Variants in FNDC3B observed in about 807,000 individuals in gnomAD.
The protein encoded by FNDC3B is fibronectin type III domain-containing protein 3B.
Under a neutral mutation model 151.5 loss-of-function variants are expected in FNDC3B, and 12 were observed. That is an observed-to-expected ratio of 0.08 (90% CI 0.05 to 0.13). The LOEUF is 0.13. FNDC3B is among the 10% of genes least tolerant of loss of function. The pLI is 1.00. For synonymous variants in FNDC3B, 528 were observed against 549.0 expected (o/e 0.96, Z 0.54); for missense variants, 1,214 against 1,505.3 (o/e 0.81, Z 3.20).
At chr3:172,327,462 G>A (rs572153932) in intron 11 of FNDC3B, among the ~76,000 whole-genome samples, 4 of 152,142 alleles carry the variant, frequency 2.6e-5, no homozygotes, top group Non-Finnish European at 4.4e-5. Context: ...GTGCAGTGGC[G>A]CGATCTCGGC....
chr3:172,374,349 G>A (rs1052082098), intron 23 of FNDC3B, among the ~76,000 whole-genome samples: 1 of 152,162 alleles, frequency 6.6e-6, no homozygotes, highest in Non-Finnish European at 1.5e-5. Context: ...CACATATTGA[G>A]TTATTATATA....
intron 15 of FNDC3B, among the ~76,000 whole-genome samples, chr3:172,337,065 G>T (rs183097045): frequency 1.3e-3 from 202 of 152,256 alleles, no homozygotes; most frequent in Middle Eastern, 3.4e-3. Context: ...TTTGTGCCGA[G>T]TTTTTTGTTC....
chr3:172,079,436 G>T (rs1177909723), intron 1 of FNDC3B, among the ~76,000 whole-genome samples: 1 of 152,158 alleles, frequency 6.6e-6, no homozygotes, highest in Non-Finnish European at 1.5e-5. Flanking sequence ...AGATCAGGAA[G>T]AACAAACTGG....
chr3:172,196,119 A>G (rs1398244647), intron 3 of FNDC3B, among the ~76,000 whole-genome samples: 1 of 152,202 alleles, frequency 6.6e-6, no homozygotes, highest in African/African-American at 2.4e-5. Context: ...CACCCACACT[A>G]AAGCTTTTAA....
chr3:172,252,677 C>T (rs902614573), intron 6 of FNDC3B, among the ~76,000 whole-genome samples: 4 of 151,890 alleles, frequency 2.6e-5, no homozygotes, highest in African/African-American at 9.7e-5. Flanking sequence ...GGCATTTCCC[C>T]CTACGTTATT....
chr3:172,046,633 T>G (rs1716384407), intron 1 of FNDC3B, among the ~76,000 whole-genome samples: 1 of 152,144 alleles, frequency 6.6e-6, no homozygotes, highest in South Asian at 2.1e-4. Context: ...CCTGTTTTGT[T>G]TTTATAATAT....
intron 3 of FNDC3B, among the ~76,000 whole-genome samples, chr3:172,215,159 G>C (rs1474075809): frequency 6.6e-6 from 1 of 152,180 alleles, no homozygotes; most frequent in Non-Finnish European, 1.5e-5. Flanking sequence ...GCATGACCTA[G>C]GAATTGTAAA....
At chr3:172,049,887 C>A (rs1238960168) in intron 1 of FNDC3B, among the ~76,000 whole-genome samples, 1 of 152,164 alleles carries the variant, frequency 6.6e-6, no homozygotes, top group Non-Finnish European at 1.5e-5. Context: ...ACTTTGATTT[C>A]TGTTTAAGAG....
intron 3 of FNDC3B, among the ~76,000 whole-genome samples, chr3:172,163,322 C>A (rs1381893055): frequency 6.6e-6 from 1 of 151,910 alleles, no homozygotes; most frequent in African/African-American, 2.4e-5. Flanking sequence ...ATATAACCCA[C>A]CCACATCATA....
rs774817471 is a variant in FNDC3B, at chr3:172,397,390, A to G, written c.3530A>G (p.Glu1177Gly). The G allele has an allele frequency of 6.8e-5, 109 of 1,614,038 alleles. No individual in the cohort carries two copies. The highest frequency in any genetic ancestry group is 5.4e-5 in the Non-Finnish European group (64 of 1,179,994). The change falls in exon 26 of 26, where the codon GAA (glutamate) becomes GGA (glycine). Residue 1177 changes from glutamate to glycine, a missense_variant. Around this residue, in one of 7 missense-constraint regions of FNDC3B, gnomAD observed 284 missense variants for 392.4 expected, o/e 0.72. Transcript: ENST00000415807. ...PKMKSMMPTDEQFAAIIVLGF... is the reference protein window; with the variant it reads ...PKMKSMMPTDGQFAAIIVLGF... ...ATGAAGAGCATGATGCCTACTGATG[A>G]ACAGTTTGCAGCCATCATTGTGCTT...
chr3:172,091,718 C>T (rs1718837584), intron 1 of FNDC3B, among the ~76,000 whole-genome samples: 1 of 152,124 alleles, frequency 6.6e-6, no homozygotes, highest in South Asian at 2.1e-4. Context: ...AAATTATCTT[C>T]AAAAGTTGGC....
chr3:172,134,267 C>G, intron 3 of FNDC3B: 1 of 471,038 alleles, frequency 2.1e-6, no homozygotes, highest in Non-Finnish European at 4.3e-6. Context: ...CTGTATAGTT[C>G]ACTTGGAAAT....
At chr3:172,363,388 A>G (rs1244543252) in intron 23 of FNDC3B, among the ~76,000 whole-genome samples, 1 of 152,116 alleles carries the variant, frequency 6.6e-6, no homozygotes, top group East Asian at 1.9e-4. Flanking sequence ...TTGGCTGTCA[A>G]AATCAAATGT....
chr3:172,068,426 T>A (rs1717611266), intron 1 of FNDC3B, among the ~76,000 whole-genome samples: 1 of 148,768 alleles, frequency 6.7e-6, no homozygotes, highest in African/African-American at 2.5e-5. Context: ...GAGGAGCCTT[T>A]TTTTTTTTTT....
At chr3:172,229,084 A>C (rs548740365) in intron 4 of FNDC3B, among the ~76,000 whole-genome samples, 1 of 117,786 alleles carries the variant, frequency 8.5e-6, no homozygotes, top group Non-Finnish European at 1.8e-5. Flanking sequence ...GAAAGAAAGA[A>C]ACACACACAC....
At chr3:172,334,881 G>A in intron 14 of FNDC3B, 63 bp from the exon 15 acceptor site, 10 of 1,510,020 alleles carry the variant, frequency 6.6e-6, no homozygotes, top group Non-Finnish European at 9.1e-6. Flanking sequence ...GTTAAAAAGT[G>A]ACCATTAATT....
chr3:172,356,120 C>T (rs1323875900), intron 22 of FNDC3B, among the ~76,000 whole-genome samples: 1 of 152,126 alleles, frequency 6.6e-6, no homozygotes, highest in African/African-American at 2.4e-5. Context: ...ATATGGTAAG[C>T]ACTATGTTAG....
intron 7 of FNDC3B, among the ~76,000 whole-genome samples, chr3:172,288,849 A>G (rs1029123674): frequency 6.6e-6 from 1 of 152,164 alleles, no homozygotes; most frequent in Non-Finnish European, 1.5e-5. Flanking sequence ...ACCACCCTGC[A>G]TGTCTGGTTC....
intron 1 of FNDC3B, among the ~76,000 whole-genome samples, chr3:172,106,721 G>T (rs1719669055): frequency 6.6e-6 from 1 of 152,154 alleles, no homozygotes; most frequent in Admixed American, 6.5e-5. Flanking sequence ...TTGGCCCTTT[G>T]CAGGTGGGGG....
Sources: gnomAD v4.1 joint callset for allele counts (sites outside exome capture counted in the v4.1 genomes callset) on GRCh38, gnomAD v4.1.1 for gene constraint, gnomAD v4.1.1 regional missense constraint, MANE v1.5 for transcripts, NCBI Gene and HGNC (gene_info 2026-07-23, HGNC 2026-07-21) for gene names.